The following CDH26 variants were observed in gnomAD, a reference collection of about 807,000 sequenced individuals.
The protein encoded by CDH26 is cadherin 26.
A neutral mutation model predicts 90.3 loss-of-function variants in CDH26; 83 were observed. The ratio of observed to expected loss-of-function variants is 0.92; its 90% CI spans 0.77 to 1.10. CDH26 has a LOEUF of 1.10. Among genes scored for constraint, CDH26 ranks in the 50% least tolerant of loss-of-function variants. The pLI is 0.00. For synonymous variants in CDH26, 397 were observed against 396.3 expected (o/e 1.00, Z -0.02); for missense variants, 1,013 against 1,037.6 (o/e 0.98, Z 0.33).
chr20:60,012,069 C>A lies in CDH26; in HGVS notation c.2296-458C>A, dbSNP rs887790726. ...TTGCAGGGAGGCTGTGAAGTATGAG[C>A]AGATTGAAGGATAGACCTGAGCACA... On this transcript the variant is annotated intron_variant, in intron 17 of 17. Coordinates refer to ENST00000348616, the MANE Select transcript of CDH26 (RefSeq NM_177980.4). Among the ~76,000 whole-genome samples, 70 of 151,948 alleles carry A rather than the reference C, an allele frequency of 4.6e-4. 1 individual carries two copies. The highest frequency in any genetic ancestry group is 1.7e-3 in the African/African-American group (69 of 41,420).
At chr20:59,967,959 CTTTCTTT>C (rs2061192295) in intron 1 of CDH26, among the ~76,000 whole-genome samples, 1 of 21,358 alleles carries the variant, frequency 4.7e-5, no homozygotes, top group African/African-American at 1.4e-4. Flanking sequence ...TTCTTTCTAT[CTTTCTTT>C]CTTTCTTTCT....
At chr20:60,012,180 G>GA (rs2061853022) in intron 17 of CDH26, among the ~76,000 whole-genome samples, 1 of 152,090 alleles carries the variant, frequency 6.6e-6, no homozygotes, top group African/African-American at 2.4e-5. Flanking sequence ...GAGGGCCGGG[G>GA]GGTCATGGAA....
intron 7 of CDH26, among the ~76,000 whole-genome samples, chr20:60,026,606 A>C (rs575114808): frequency 8.1e-4 from 123 of 152,234 alleles, no homozygotes; most frequent in African/African-American, 2.9e-3. Context: ...GGACACAAGA[A>C]CCTCAGTCCC....
At chr20:59,987,723 GCT>G in intron 8 of CDH26, 85 bp downstream of exon 8, 1 of 1,261,966 alleles carries the variant, frequency 7.9e-7, no homozygotes, top group Non-Finnish European at 1.1e-6. Flanking sequence ...GAACCAGGGA[GCT>G]AACGTCCGTG....
chr20:59,987,761 TACC>T (rs2061477750), intron 8 of CDH26, 123 bp downstream of exon 8: 1 of 770,688 alleles, frequency 1.3e-6, no homozygotes, highest in Non-Finnish European at 2.0e-6. Context: ...GCCCATTACG[TACC>T]ACACGTCACC....
chr20:60,012,266 G>A (rs2061854696), intron 17 of CDH26, among the ~76,000 whole-genome samples: 1 of 151,948 alleles, frequency 6.6e-6, no homozygotes, highest in South Asian at 2.1e-4. Context: ...GGAGCAGGTG[G>A]GAGGTCCTCC....
At chr20:59,984,000 A>G (rs1429188059) in intron 5 of CDH26, among the ~76,000 whole-genome samples, 2 of 152,260 alleles carry the variant, frequency 1.3e-5, no homozygotes, top group East Asian at 3.8e-4. Flanking sequence ...ATATATTTCA[A>G]TGATAAAATT....
downstream of CDH26, among the ~76,000 whole-genome samples, chr20:60,034,620 A>T (rs560006925): frequency 6.6e-6 from 1 of 152,202 alleles, no homozygotes; most frequent in Non-Finnish European, 1.5e-5. Context: ...CAGGGCCCCC[A>T]CCAGCTACAA....
chr20:59,995,847 C>T lies in CDH26; in HGVS notation c.1681C>T (p.Leu561Phe), dbSNP rs1315986235. ...LGRNWGQSVE[L>F]LTLRSLPRGN... is the part of the protein sequence containing the mutation. The stretch of plus-strand genomic sequence containing the variant: ...TCCCTTTGCAGGTCAATCAGTTGAA[C>T]TTTTAACCTTGAGAAGCCTGCCACG... The change falls in exon 12 of 18, where the codon CTT (leucine) becomes TTT (phenylalanine). Residue 561 changes from leucine to phenylalanine, a missense_variant. By Grantham distance (22) the Leu-to-Phe change is conservative. Coordinates refer to ENST00000348616, the MANE Select transcript of CDH26 (RefSeq NM_177980.4). 3 of 1,614,150 alleles carry T rather than the reference C, an allele frequency of 1.9e-6. No individual in the cohort carries two copies. In the East Asian group the frequency reaches 6.7e-5, roughly 36 times the overall value.
chr20:59,986,812 A>G lies in CDH26; in HGVS notation c.838-641A>G, dbSNP rs2061464762. ...TTAATTAGAAAAAAAACCTGTATAAACCAAAGTGAAATGTTTGCAAACCAA... is the reference window on the plus strand; with the variant it reads ...TTAATTAGAAAAAAAACCTGTATAAGCCAAAGTGAAATGTTTGCAAACCAA... On this transcript the variant is annotated intron_variant, in intron 7 of 17. Transcript: ENST00000348616. Among the ~76,000 whole-genome samples, 3 of 152,090 alleles carry G rather than the reference A, an allele frequency of 2.0e-5. No individual in the cohort carries two copies. The South Asian group carries it at 6.2e-4, about 32-fold the overall frequency.
intron 16 of CDH26, among the ~76,000 whole-genome samples, chr20:60,004,308 A>G (rs1455393133): frequency 6.6e-6 from 1 of 152,216 alleles, no homozygotes; most frequent in Non-Finnish European, 1.5e-5. Context: ...AGGTGATTTC[A>G]TCACTGTGTA....
intron 1 of CDH26, among the ~76,000 whole-genome samples, chr20:59,967,953 T>A (rs71321560): frequency 1.9e-3 from 151 of 80,052 alleles, no homozygotes; most frequent in East Asian, 2.6e-3. Flanking sequence ...CTTTCTTTCT[T>A]TCTATCTTTC....
intron 1 of CDH26, among the ~76,000 whole-genome samples, chr20:59,965,046 C>G (rs2061128483): frequency 6.6e-6 from 1 of 152,218 alleles, no homozygotes; most frequent in Non-Finnish European, 1.5e-5. Context: ...TTTAAAACTA[C>G]TGACATTAAT....
intron 11 of CDH26, among the ~76,000 whole-genome samples, chr20:59,995,347 G>C (rs927786388): frequency 1.2e-4 from 19 of 152,152 alleles, no homozygotes; most frequent in African/African-American, 4.1e-4. Flanking sequence ...CGCCCACCTG[G>C]GAGGCCCACC....
At chr20:59,982,646 T>C (rs1379546837) in intron 4 of CDH26, among the ~76,000 whole-genome samples, 1 of 152,216 alleles carries the variant, frequency 6.6e-6, no homozygotes, top group Non-Finnish European at 1.5e-5. Context: ...GTTTGCCCAG[T>C]GGAGAGACTG....
downstream of CDH26, among the ~76,000 whole-genome samples, chr20:60,016,571 G>T (rs1219884550): frequency 6.6e-6 from 1 of 150,858 alleles, no homozygotes; most frequent in East Asian, 1.9e-4. Flanking sequence ...GGGACAATTT[G>T]ACTTCCTCCT....
intron 1 of CDH26, among the ~76,000 whole-genome samples, chr20:59,967,878 TTC>T (rs1491010927): frequency 1.0e-3 from 102 of 101,462 alleles, no homozygotes; most frequent in African/African-American, 7.1e-3. Context: ...TCTTTCTTTC[TTC>T]CTTCCTTCCT....
At position 60,014,047 on chromosome 20, in the gene CDH26, C is replaced by T. The variant is rs2061882718; in HGVS notation, c.*1317C>T. ...TTTAAGAAAAATACATGTTTTTGGA[C>T]AACAAAACAAAGTAAACATTAGTTT... On this transcript the variant is annotated 3_prime_UTR_variant, in exon 18 of 18. Transcript: ENST00000348616. 6.6e-6 allele frequency: 1 copy of T among 151,568 alleles called. No homozygotes were observed. Among genetic ancestry groups the T allele is most frequent in the African/African-American group, 2.4e-5 (1 of 41,262 alleles). The allele number at this position is 151,568 out of a possible 1,614,324, so 9.4% of individuals were successfully genotyped here.
intron 1 of CDH26, among the ~76,000 whole-genome samples, chr20:59,962,184 T>A (rs1016663235): frequency 1.3e-5 from 2 of 152,098 alleles, no homozygotes; most frequent in African/African-American, 4.8e-5. Flanking sequence ...GGGTGTGAGA[T>A]CTGTGCTTTT....
Sources: gnomAD v4.1 joint callset for allele counts (sites outside exome capture counted in the v4.1 genomes callset) on GRCh38, gnomAD v4.1.1 for gene constraint, MANE v1.5 for transcripts, NCBI Gene and HGNC (gene_info 2026-07-23, HGNC 2026-07-21) for gene names.